The following SATB2 variants were observed in gnomAD, a reference collection of about 807,000 sequenced individuals.
SATB2 encodes the protein DNA-binding protein SATB2.
In SATB2, 1 loss-of-function variant was observed where a neutral mutation model predicts 73.4. The ratio of observed to expected loss-of-function variants is 0.01; its 90% confidence interval spans 0.00 to 0.06. The LOEUF (loss-of-function observed/expected upper bound fraction) is 0.06. Among genes scored for constraint, SATB2 ranks in the 10% least tolerant of loss-of-function variants. The probability of loss-of-function intolerance (pLI) is 1.00; values close to 1 mark genes in which losing one functional copy is unlikely to be tolerated. For missense variants in SATB2, 459 were observed against 945.8 expected (o/e 0.49, Z 6.75); for synonymous variants, 397 against 367.0 (o/e 1.08, Z -0.93).
At chr2:199,354,455 G>A (rs760641455) in intron 6 of SATB2, among the ~76,000 whole-genome samples, 1 of 152,164 alleles carries the variant, frequency 6.6e-6, no homozygotes, top group Non-Finnish European at 1.5e-5. Flanking sequence ...TGTGGCTGAA[G>A]CCTTGAGGGT....
intron 3 of SATB2, among the ~76,000 whole-genome samples, chr2:199,401,676 G>A (rs1218175096): frequency 6.6e-6 from 1 of 152,188 alleles, no homozygotes; most frequent in Non-Finnish European, 1.5e-5. Context: ...AAAAGAGGGT[G>A]CTAGGCAGAA....
chr2:199,283,699 C>T (rs533818604), intron 10 of SATB2, among the ~76,000 whole-genome samples: 7 of 151,912 alleles, frequency 4.6e-5, no homozygotes, highest in Non-Finnish European at 1.0e-4. Flanking sequence ...ATGGTCCAGG[C>T]AGTTGTATTT....
chr2:199,446,865 T>C (rs1691976939), intron 2 of SATB2, among the ~76,000 whole-genome samples: 1 of 152,238 alleles, frequency 6.6e-6, no homozygotes. Context: ...CTGCCTATCT[T>C]GTTTCTTTCA....
intron 10 of SATB2, among the ~76,000 whole-genome samples, chr2:199,304,119 C>T (rs896732655): frequency 1.3e-5 from 2 of 152,144 alleles, no homozygotes; most frequent in Non-Finnish European, 2.9e-5. Flanking sequence ...CCTGTGTTTT[C>T]ATTCCGCTGG....
At chr2:199,281,678 A>G (rs1692502286) in intron 10 of SATB2, among the ~76,000 whole-genome samples, 1 of 151,996 alleles carries the variant, frequency 6.6e-6, no homozygotes, top group African/African-American at 2.4e-5. Context: ...CTTTTTTCAA[A>G]ATCAGCATTA....
intron 3 of SATB2, among the ~76,000 whole-genome samples, chr2:199,410,546 T>C (rs1029194145): frequency 2.0e-5 from 3 of 152,216 alleles, no homozygotes; most frequent in African/African-American, 7.2e-5. Context: ...TCGCAAAAAA[T>C]TGAACAAAGA....
At chr2:199,317,036 T>C (rs966335261) in intron 9 of SATB2, among the ~76,000 whole-genome samples, 3 of 151,012 alleles carry the variant, frequency 2.0e-5, no homozygotes, top group Non-Finnish European at 4.4e-5. Context: ...GAAGTTATCA[T>C]AATGGGTGGG....
intron 3 of SATB2, among the ~76,000 whole-genome samples, chr2:199,428,470 T>C (rs1466974375): frequency 6.6e-6 from 1 of 152,202 alleles, no homozygotes; most frequent in African/African-American, 2.4e-5. Context: ...ATCAAACTGT[T>C]CACAGGACGG....
chr2:199,448,774 A>G (rs1692038744), intron 2 of SATB2, among the ~76,000 whole-genome samples: 2 of 152,170 alleles, frequency 1.3e-5, no homozygotes, highest in African/African-American at 4.8e-5. Context: ...GATAAATAGT[A>G]GCTTGCAGTG....
chr2:199,413,116 C>T (rs749895163), intron 3 of SATB2, among the ~76,000 whole-genome samples: 18 of 152,106 alleles, frequency 1.2e-4, no homozygotes, highest in Non-Finnish European at 2.4e-4. Context: ...TAGGAGAAAA[C>T]ATTTTTTAAT....
rs1258604188 is a variant in SATB2 at position 199,436,429 on chromosome 2, A to AAAAAC, written c.170-2920_170-2916dup. Among the ~76,000 whole-genome samples, 3 of 151,804 alleles carry AAAAAC rather than the reference A, an allele frequency of 2.0e-5. No individual in the cohort carries two copies. The East Asian group carries it at 5.8e-4, about 29-fold the overall frequency. Reference sequence around the variant, plus strand: ...CCCTACTGGCATCATCTATTTAAAAAAAAACAAAACAAAACAAAACAAAAC... The same window carrying AAAAAC: ...CCCTACTGGCATCATCTATTTAAAAAAAAACAAAACAAAACAAAACAAAACAAAAC... On this transcript the variant is annotated intron_variant, in intron 2 of 10. Coordinates refer to ENST00000417098, the MANE Select transcript of SATB2 (RefSeq NM_001172509.2).
chr2:199,287,019 C>T (rs191216100), intron 10 of SATB2, among the ~76,000 whole-genome samples: 126 of 152,204 alleles, frequency 8.3e-4, no homozygotes, highest in Admixed American at 1.8e-3. Flanking sequence ...ATTAAAAGAA[C>T]CAACCTGGAA....
chr2:199,344,244 C>T (rs188590696), intron 7 of SATB2, among the ~76,000 whole-genome samples: 1 of 152,026 alleles, frequency 6.6e-6, no homozygotes, highest in African/African-American at 2.4e-5. Flanking sequence ...GATGAACGAA[C>T]ACACACACAC....
chr2:199,448,258 A>G (rs1406585358), intron 2 of SATB2, among the ~76,000 whole-genome samples: 1 of 152,194 alleles, frequency 6.6e-6, no homozygotes, highest in East Asian at 1.9e-4. Flanking sequence ...CAATAAAAGT[A>G]CTCAATTTTA....
intron 9 of SATB2, among the ~76,000 whole-genome samples, chr2:199,322,556 G>A (rs748170569): frequency 7.2e-5 from 11 of 152,146 alleles, no homozygotes; most frequent in Non-Finnish European, 1.3e-4. Context: ...GAAAGTCAGA[G>A]TAATCTGGAA....
At chr2:199,280,670 C>T (rs1692461028) in intron 10 of SATB2, among the ~76,000 whole-genome samples, 1 of 152,130 alleles carries the variant, frequency 6.6e-6, no homozygotes, top group African/African-American at 2.4e-5. Context: ...CCGTAGCACT[C>T]CCAGGCTTAT....
At chr2:199,355,030 G>A (rs551059086) in intron 6 of SATB2, among the ~76,000 whole-genome samples, 1 of 151,992 alleles carries the variant, frequency 6.6e-6, no homozygotes, top group African/African-American at 2.4e-5. Context: ...AAGGTATTTG[G>A]TCCAAAAATC....
chr2:199,454,203 CGTT>C (rs1362784457), intron 2 of SATB2, among the ~76,000 whole-genome samples: 1 of 151,986 alleles, frequency 6.6e-6, no homozygotes, highest in African/African-American at 2.4e-5. Context: ...TAGGGAAGCA[CGTT>C]GTTAACAATT....
At position 199,413,855 on chromosome 2, in the gene SATB2, T is replaced by G. The variant is rs979669034; in HGVS notation, c.346+19483A>C. Among the ~76,000 whole-genome samples the G allele has an allele frequency of 9.9e-5, 15 of 152,140 alleles. No individual in the cohort carries two copies. The East Asian group carries it at 2.5e-3, about 26-fold the overall frequency. On this transcript the variant is annotated intron_variant, in intron 3 of 10. Transcript: ENST00000417098. ...CCAGAGCCCAGGTCCCTGGCGGCAT[T>G]GTGAAGATGCTGCACTGGACACCTA...
Sources: gnomAD v4.1 joint callset for allele counts (sites outside exome capture counted in the v4.1 genomes callset) on GRCh38, gnomAD v4.1.1 for gene constraint, MANE v1.5 for transcripts, NCBI Gene and HGNC (gene_info 2026-07-23, HGNC 2026-07-21) for gene names.